The following DDB1 variants were observed in gnomAD, a reference collection of about 807,000 sequenced individuals.
The protein encoded by DDB1 is DNA damage-binding protein 1.
Under a neutral mutation model 133.1 loss-of-function variants are expected in DDB1, and 18 were observed. The observed-to-expected ratio is 0.14, with a 90% confidence interval of 0.09 to 0.20. DDB1 has a LOEUF of 0.20. Ranked by LOEUF, DDB1 falls within the 10% of genes least tolerant of loss-of-function variation. The pLI is 1.00. For synonymous variants in DDB1, 580 were observed against 550.5 expected (o/e 1.05, Z -0.75); for missense variants, 828 against 1,459.2 (o/e 0.57, Z 7.05).
At chr11:61,328,441 G>A (rs1856305968) in intron 4 of DDB1, among the ~76,000 whole-genome samples, 1 of 152,134 alleles carries the variant, frequency 6.6e-6, no homozygotes, top group South Asian at 2.1e-4. Flanking sequence ...CTTTGTTAAA[G>A]GGCTGAGATT....
chr11:61,315,487 T>C (rs1258127344), intron 12 of DDB1: 2 of 152,206 alleles, frequency 1.3e-5, no homozygotes, highest in African/African-American at 4.8e-5. Context: ...TGACAGAACT[T>C]TCCCTCCGGT....
At chr11:61,307,599 T>A (rs1855898578) in intron 21 of DDB1, among the ~76,000 whole-genome samples, 1 of 152,234 alleles carries the variant, frequency 6.6e-6, no homozygotes. Flanking sequence ...TCTCAGCACA[T>A]GGGTGGTCTT....
chr11:61,308,897 A>G, intron 21 of DDB1, 86 bp downstream of exon 21: 1 of 1,284,642 alleles, frequency 7.8e-7, no homozygotes, highest in Non-Finnish European at 1.1e-6. Context: ...TCTGACACAC[A>G]CGTGGCCCCA....
chr11:61,325,178 C>T (rs1173061020), intron 6 of DDB1, among the ~76,000 whole-genome samples: 3 of 151,890 alleles, frequency 2.0e-5, no homozygotes, highest in African/African-American at 7.3e-5. Context: ...CCAAAATTTT[C>T]CCCTCTTAAA....
chr11:61,308,159 G>A (rs1334206476), intron 21 of DDB1, among the ~76,000 whole-genome samples: 2 of 152,110 alleles, frequency 1.3e-5, no homozygotes, highest in Non-Finnish European at 2.9e-5. Flanking sequence ...GGCTCTGCAC[G>A]TTCTGGCCCC....
At chr11:61,319,643 G>C (rs1356674488) in intron 10 of DDB1, among the ~76,000 whole-genome samples, 1 of 152,082 alleles carries the variant, frequency 6.6e-6, no homozygotes, top group Admixed American at 6.6e-5. Context: ...TGCTGGCCAG[G>C]ATGATCTCGA....
Position 61,303,946 on chromosome 11 carries a change from C to T in DDB1, c.2751G>A (p.Lys917=). 2 of 1,614,050 alleles carry T rather than the reference C, an allele frequency of 1.2e-6. No homozygotes were observed. Among genetic ancestry groups the T allele is most frequent in the Non-Finnish European group, 1.7e-6 (2 of 1,179,990 alleles). Residue 917 remains lysine (K), a synonymous_variant, in exon 22 of 27, where the codon AAG becomes AAA. Coordinates refer to ENST00000301764, the MANE Select transcript of DDB1 (RefSeq NM_001923.5). The part of the protein sequence containing the change: ...NNIMALYLKT[K]GDFILVGDLM... Reference sequence around the variant, plus strand: ...GGTCGCCCACCAGGATGAAGTCGCCCTTGGTCTTCAGGTAGAGGGCCATGA... The same window carrying T: ...GGTCGCCCACCAGGATGAAGTCGCCTTTGGTCTTCAGGTAGAGGGCCATGA...
chr11:61,325,664 T>C lies in DDB1; in HGVS notation c.709A>G (p.Ile237Val). Residue 237 changes from isoleucine (I) to valine (V), a missense_variant, in exon 6 of 27, where the codon ATC (isoleucine) becomes GTC (valine). Coordinates refer to ENST00000301764, the MANE Select transcript of DDB1 (RefSeq NM_001923.5). ...TATTTGTCACCATTGTGATAGGTGA[T>C]TGACTCCTGTCCAATGATGATGGCC... ...GGAIIIGQES[I>V]TYHNGDKYLA... The C allele has an allele frequency of 2.5e-6, 4 of 1,613,848 alleles. No homozygotes were observed. The highest frequency in any genetic ancestry group is 2.2e-5 in the East Asian group (1 of 44,880).
intron 21 of DDB1, among the ~76,000 whole-genome samples, chr11:61,307,559 G>A (rs1855897642): frequency 6.6e-6 from 1 of 152,178 alleles, no homozygotes; most frequent in Non-Finnish European, 1.5e-5. Context: ...ACAGCTCCTA[G>A]GGCTATCTTC....
At chr11:61,316,886 C>T (rs1207363290) in intron 10 of DDB1, among the ~76,000 whole-genome samples, 1 of 128,816 alleles carries the variant, frequency 7.8e-6, no homozygotes, top group East Asian at 2.5e-4. Flanking sequence ...TGTCATTGCA[C>T]TCCAGCCTGG....
chr11:61,311,122 C>A (rs553857167), intron 18 of DDB1: 1 of 152,314 alleles, frequency 6.6e-6, no homozygotes, highest in Non-Finnish European at 1.5e-5. Context: ...CATGGTGGCA[C>A]GCGCCTGTAA....
At chr11:61,302,134 C>T in intron 25 of DDB1, 123 bp downstream of exon 25, 1 of 828,368 alleles carries the variant, frequency 1.2e-6, no homozygotes, top group Non-Finnish European at 1.9e-6. Context: ...CAAAACAAAA[C>T]AAAAAACCTG....
intron 4 of DDB1, among the ~76,000 whole-genome samples, chr11:61,328,799 G>A (rs1008201676): frequency 6.6e-6 from 1 of 152,094 alleles, no homozygotes; most frequent in African/African-American, 2.4e-5. Flanking sequence ...TGAACCAGGA[G>A]GCGGAGGTTG....
In DDB1 at chr11:61,310,356, G is replaced by A. The variant is rs1173220348; in HGVS notation, c.2340C>T (p.Thr780=). Residue 780 remains threonine, a synonymous_variant, in exon 19 of 27, where the codon ACC becomes ACT. Coordinates refer to ENST00000301764, the MANE Select transcript of DDB1 (RefSeq NM_001923.5). The part of the protein sequence containing the change: ...LFSSSTAPHE[T]SFGEEVEVHN... ...GCACCTCCACCTCTTCTCCAAAGGA[G>A]GTCTCATGAGGAGCAGTGCTGCTGG... The A allele has an allele frequency of 1.2e-6, 2 of 1,613,220 alleles. No homozygotes were observed. The highest frequency in any genetic ancestry group is 1.7e-6 in the Non-Finnish European group (2 of 1,179,814).
At chr11:61,309,575 T>C (rs28720331) in intron 20 of DDB1, among the ~76,000 whole-genome samples, 1 of 152,250 alleles carries the variant, frequency 6.6e-6, no homozygotes, top group Admixed American at 6.5e-5. Context: ...TTTGTTCTTT[T>C]GGCCTTTCAA....
In DDB1 at chr11:61,299,931, A is replaced by C. The variant is rs3209377; in HGVS notation, c.*205T>G. 2.1e-3 allele frequency: 1,255 copies of C among 591,336 alleles called. 5 individuals carry two copies. The highest frequency in any genetic ancestry group is 3.5e-3 in the Non-Finnish European group (1,146 of 330,960). 36.6% of individuals were successfully genotyped at this position (591,336 alleles called of 1,614,324 possible). A position where few individuals can be genotyped will look rare whatever the true frequency, so the allele number is the denominator to read the frequency against. Reference sequence around the variant, plus strand: ...CTGGAATCATGTGAGACTGGTAAAAATCCAGGGAGAAAATGTTTCACCTTC... The same window carrying C: ...CTGGAATCATGTGAGACTGGTAAAACTCCAGGGAGAAAATGTTTCACCTTC... On this transcript the variant is annotated 3_prime_UTR_variant, in exon 27 of 27. Transcript: ENST00000301764.
At chr11:61,300,750 G>C (rs1855780032) in intron 26 of DDB1, 59 bp downstream of exon 26, 1 of 1,601,888 alleles carries the variant, frequency 6.2e-7, no homozygotes, top group Non-Finnish European at 8.5e-7. Context: ...ACAGTCTCCT[G>C]GCATGCCCCA....
At chr11:61,304,138 G>A in intron 21 of DDB1, 103 bp from the exon 22 acceptor site, 1 of 1,316,714 alleles carries the variant, frequency 7.6e-7, no homozygotes. Context: ...TTCTCAAAGT[G>A]CAATGCGGGA....
chr11:61,309,143 C>T, intron 20 of DDB1, 66 bp from the exon 21 acceptor site: 2 of 1,478,970 alleles, frequency 1.4e-6, no homozygotes, highest in East Asian at 2.3e-5. Context: ...AAAGAATCCT[C>T]TGGTTGCCCC....
Sources: gnomAD v4.1 joint callset for allele counts (sites outside exome capture counted in the v4.1 genomes callset) on GRCh38, gnomAD v4.1.1 for gene constraint, MANE v1.5 for transcripts, NCBI Gene and HGNC (gene_info 2026-07-23, HGNC 2026-07-21) for gene names.